UBE2E1: variants seen among roughly 807,000 people sequenced by gnomAD.
The protein encoded by UBE2E1 is ubiquitin conjugating enzyme E2 E1, also known as ubiquitin-conjugating enzyme E2 E1.
UBE2E1 carries 6 observed loss-of-function variants against 21.4 expected under a neutral mutation model. The ratio of observed to expected loss-of-function variants is 0.28; its 90% CI spans 0.15 to 0.55. The LOEUF is 0.55. Among genes scored for constraint, UBE2E1 ranks in the 20% least tolerant of loss-of-function variants. The pLI is 0.93. For synonymous variants in UBE2E1, 87 were observed against 82.7 expected (o/e 1.05, Z -0.28); for missense variants, 142 against 236.5 (o/e 0.60, Z 2.62).
chr3:23,806,991 G>A lies in UBE2E1; in HGVS notation c.-33-246G>A, dbSNP rs985676468. 1.4e-5 allele frequency: 4 copies of A among 282,570 alleles called. No homozygotes were observed. In the East Asian group the frequency reaches 2.4e-4, roughly 17 times the overall value. 17.5% of individuals were successfully genotyped at this position (282,570 alleles called of 1,614,324 possible). A position where few individuals can be genotyped will look rare whatever the true frequency, so the allele number is the denominator to read the frequency against. On this transcript the variant is annotated intron_variant, in intron 1 of 5. Transcript: ENST00000306627. The surrounding 1 kb of genome is among the most constrained non-coding windows in gnomAD (Gnocchi z 6.5). ...TGCCCAGCGGAGAGCCCCGGGGGGC[G>A]AGGGAGGGGCCTCTCTCCTAGCTCC...
intron 3 of UBE2E1, among the ~76,000 whole-genome samples, chr3:23,865,805 C>A (rs963259342): frequency 1.3e-5 from 2 of 152,192 alleles, no homozygotes; most frequent in African/African-American, 4.8e-5. Context: ...AAGCCAGTTT[C>A]GTGCCTGACC....
chr3:23,864,700 A>C (rs1043050821), intron 3 of UBE2E1, among the ~76,000 whole-genome samples: 1 of 152,166 alleles, frequency 6.6e-6, no homozygotes, highest in African/African-American at 2.4e-5. Flanking sequence ...GTAGTTGGCT[A>C]TCTTCTAGTT....
At chr3:23,885,940 T>C (rs190140945) in intron 3 of UBE2E1, among the ~76,000 whole-genome samples, 3 of 152,260 alleles carry the variant, frequency 2.0e-5, no homozygotes, top group East Asian at 1.9e-4. Context: ...CTTACACTTA[T>C]AATCCCAGCA....
chr3:23,869,967 A>G (rs1256583365), intron 3 of UBE2E1, among the ~76,000 whole-genome samples: 1 of 152,172 alleles, frequency 6.6e-6, no homozygotes, highest in Non-Finnish European at 1.5e-5. Flanking sequence ...TTTCATAGAT[A>G]TAGAGTTTGG....
intron 2 of UBE2E1, among the ~76,000 whole-genome samples, chr3:23,809,301 G>A (rs1053701225): frequency 2.0e-5 from 3 of 152,166 alleles, no homozygotes; most frequent in Non-Finnish European, 4.4e-5. Flanking sequence ...AGAGAATGGG[G>A]AAAATTGATG....
intron 3 of UBE2E1, among the ~76,000 whole-genome samples, chr3:23,854,953 G>T (rs1700404095): frequency 6.6e-6 from 1 of 152,186 alleles, no homozygotes; most frequent in South Asian, 2.1e-4. Flanking sequence ...AAGGCAGATT[G>T]TCCACTGACA....
In UBE2E1 at chr3:23,887,452, G is replaced by C. The variant is rs1701213854; in HGVS notation, c.204-115G>C. ...CGTTTCTGTACTTGTTTTGTAAAGA[G>C]AATCCACACAGTAAACAAAAGAGAG... On this transcript the variant is annotated intron_variant, in intron 3 of 5. Coordinates refer to ENST00000306627, the MANE Select transcript of UBE2E1 (RefSeq NM_003341.5). The surrounding 1 kb of genome is among the most constrained non-coding windows in gnomAD (Gnocchi z 4.4). 1 of 1,380,262 alleles carries C rather than the reference G, an allele frequency of 7.2e-7. No individual in the cohort carries two copies. The allele number at this position is 1,380,262 out of a possible 1,614,324, so 85.5% of individuals were successfully genotyped here.
chr3:23,845,589 C>CTCTGTGTGTGTGTGTGTGTGTG (rs1553637998), intron 3 of UBE2E1, among the ~76,000 whole-genome samples: 5 of 121,288 alleles, frequency 4.1e-5, no homozygotes, highest in Non-Finnish European at 5.1e-5. Context: ...CTCTCTCTCT[C>CTCTGTGTGTGTGTGTGTGTGTG]TGTGTGTGTG....
In UBE2E1 at chr3:23,810,204, C is replaced by A. The variant is rs1045973071; in HGVS notation, c.153-1256C>A. On this transcript the variant is annotated intron_variant, in intron 2 of 5. Coordinates refer to ENST00000306627, the MANE Select transcript of UBE2E1 (RefSeq NM_003341.5). This position sits in a 1 kb window ranked among gnomAD's most constrained non-coding sequence, Gnocchi z 5.8. ...TGAGATTTTTAAGTTGTAACATAGC[C>A]CCATTGGGCTTTATATGATAGGAGG... Among the ~76,000 whole-genome samples, 1 of 152,070 alleles carries A rather than the reference C, an allele frequency of 6.6e-6. No homozygotes were observed. The highest frequency in any genetic ancestry group is 1.5e-5 in the Non-Finnish European group (1 of 68,022).
chr3:23,833,013 G>A (rs1004492583), intron 3 of UBE2E1, among the ~76,000 whole-genome samples: 2 of 152,078 alleles, frequency 1.3e-5, no homozygotes, highest in Admixed American at 6.6e-5. Context: ...CAGCCTGGGC[G>A]ACAAAGTGAG....
At chr3:23,883,465 A>C (rs1165237532) in intron 3 of UBE2E1, among the ~76,000 whole-genome samples, 1 of 152,198 alleles carries the variant, frequency 6.6e-6, no homozygotes, top group Non-Finnish European at 1.5e-5. Flanking sequence ...CACTTTGTAG[A>C]CCAGCAGATC....
At chr3:23,843,979 T>C (rs1384760020) in intron 3 of UBE2E1, among the ~76,000 whole-genome samples, 2 of 152,222 alleles carry the variant, frequency 1.3e-5, no homozygotes, top group Admixed American at 1.3e-4. Context: ...CTTAACGATA[T>C]CTTCTTGATA....
rs1699682846 is a variant in UBE2E1 at position 23,823,228 on chromosome 3, A to G, written c.203+11718A>G. On this transcript the variant is annotated intron_variant, in intron 3 of 5. Coordinates refer to ENST00000306627, the MANE Select transcript of UBE2E1 (RefSeq NM_003341.5). This position sits in a 1 kb window ranked among gnomAD's most constrained non-coding sequence, Gnocchi z 4.2. ...GAACTCTTAAAGCAATCATATAAGCATTGTCTTTTTAATTGTCCACTGATC... is the reference window on the plus strand; with the variant it reads ...GAACTCTTAAAGCAATCATATAAGCGTTGTCTTTTTAATTGTCCACTGATC... Among the ~76,000 whole-genome samples the G allele has an allele frequency of 6.6e-6, 1 of 152,202 alleles. No homozygotes were observed. The highest frequency in any genetic ancestry group is 2.1e-4 in the South Asian group (1 of 4,836).
In UBE2E1 at chr3:23,860,103, A is replaced by C. The variant is rs142016295; in HGVS notation, c.204-27464A>C. On this transcript the variant is annotated intron_variant, in intron 3 of 5. Coordinates refer to ENST00000306627, the MANE Select transcript of UBE2E1 (RefSeq NM_003341.5). ...TCTGACATTGCTGAAGGAGAAAATC[A>C]TTTTGCTCTACCAGACTGAAATTCA... 3.7e-4 allele frequency among the ~76,000 whole-genome samples: 56 copies of C among 152,294 alleles called. No homozygotes were observed. The East Asian group carries it at 0.011, about 29-fold the overall frequency.
At chr3:23,820,594 A>G (rs1575806552) in intron 3 of UBE2E1, among the ~76,000 whole-genome samples, 1 of 152,330 alleles carries the variant, frequency 6.6e-6, no homozygotes. Context: ...AGAGTAGTTA[A>G]AAACTGAATT....
chr3:23,888,854 T>C (rs1001131368), intron 4 of UBE2E1, among the ~76,000 whole-genome samples: 3 of 152,230 alleles, frequency 2.0e-5, no homozygotes, highest in African/African-American at 7.2e-5. Context: ...GAAATGTTAA[T>C]ATTTAAAAGA....
At position 23,858,136 on chromosome 3, in the gene UBE2E1, C is replaced by T. The variant is rs148675860; in HGVS notation, c.204-29431C>T. Among the ~76,000 whole-genome samples the T allele has an allele frequency of 2.2e-3, 330 of 152,194 alleles. 1 individual carries two copies. Among genetic ancestry groups the T allele is most frequent in the African/African-American group, 7.4e-3 (307 of 41,526 alleles). Reference sequence around the variant, plus strand: ...CGCTTTCCCTGCGAAGGCTCTATGGCAGATACCACTTGGGGCTATAGAAGC... The same window carrying T: ...CGCTTTCCCTGCGAAGGCTCTATGGTAGATACCACTTGGGGCTATAGAAGC... On this transcript the variant is annotated intron_variant, in intron 3 of 5. Transcript: ENST00000306627.
chr3:23,815,141 C>T (rs919707678), intron 3 of UBE2E1, among the ~76,000 whole-genome samples: 4 of 152,094 alleles, frequency 2.6e-5, no homozygotes, highest in Non-Finnish European at 5.9e-5. Context: ...ACACTACACT[C>T]GGTTAATTTT....
chr3:23,843,751 C>A (rs1174163351), intron 3 of UBE2E1, among the ~76,000 whole-genome samples: 1 of 152,122 alleles, frequency 6.6e-6, no homozygotes, highest in Non-Finnish European at 1.5e-5. Flanking sequence ...ATCCAAATGA[C>A]CCTCAGATGT....
Sources: gnomAD v4.1 joint callset for allele counts (sites outside exome capture counted in the v4.1 genomes callset) on GRCh38, gnomAD v4.1.1 for gene constraint, Gnocchi (gnomAD v3.1) non-coding constraint, MANE v1.5 for transcripts, NCBI Gene and HGNC (gene_info 2026-07-23, HGNC 2026-07-21) for gene names.